ATP6V1A: variants seen among roughly 807,000 people sequenced by gnomAD.
ATP6V1A encodes the protein ATPase H+ transporting V1 subunit A, also known as V-type proton ATPase catalytic subunit A.
ATP6V1A carries 18 observed loss-of-function variants against 70.1 expected under a neutral mutation model. The observed-to-expected ratio is 0.26, with a 90% confidence interval of 0.18 to 0.38. The LOEUF (loss-of-function observed/expected upper bound fraction) is 0.38, where lower values mean the gene tolerates loss of function less well. Among genes scored for constraint, ATP6V1A ranks in the 10% least tolerant of loss-of-function variants. The probability of loss-of-function intolerance (pLI) is 1.00; values close to 1 mark genes in which losing one functional copy is unlikely to be tolerated. For synonymous variants in ATP6V1A, 232 were observed against 253.8 expected (o/e 0.91, Z 0.82); for missense variants, 424 against 772.4 (o/e 0.55, Z 5.35).
intron 14 of ATP6V1A, among the ~76,000 whole-genome samples, chr3:113,808,001 A>G (rs1045944368): frequency 6.6e-6 from 1 of 151,882 alleles, no homozygotes; most frequent in African/African-American, 2.4e-5. Context: ...GTGATGGTGC[A>G]TGCCTGTAAT....
intron 3 of ATP6V1A, among the ~76,000 whole-genome samples, chr3:113,782,542 C>CTCTCTCTCTATATA (rs749059556): frequency 1.4e-5 from 2 of 141,164 alleles, no homozygotes; most frequent in African/African-American, 5.3e-5. Context: ...CTCTCTCTCT[C>CTCTCTCTCTATATA]TATATATATA....
intron 3 of ATP6V1A, among the ~76,000 whole-genome samples, chr3:113,782,094 A>G (rs1708982587): frequency 6.6e-6 from 1 of 152,176 alleles, no homozygotes; most frequent in Non-Finnish European, 1.5e-5. Context: ...AATCAGCATT[A>G]ATTCTTTGAG....
At chr3:113,759,160 A>G (rs1021184673) in intron 1 of ATP6V1A, among the ~76,000 whole-genome samples, 2 of 152,026 alleles carry the variant, frequency 1.3e-5, no homozygotes, top group East Asian at 1.9e-4. Context: ...CCAGTTTACC[A>G]TTTTATTCTT....
chr3:113,807,168 C>T (rs1319911124), intron 14 of ATP6V1A, among the ~76,000 whole-genome samples: 1 of 143,778 alleles, frequency 7.0e-6, no homozygotes, highest in East Asian at 2.1e-4. Flanking sequence ...TTATTAAATT[C>T]TTTTTCTTTT....
rs758070395 is a variant in ATP6V1A, at chr3:113,809,412, TAGCCTTGAAGATTAGA to T, written c.1854_*15del. 2 of 1,613,532 alleles carry T rather than the reference TAGCCTTGAAGATTAGA, an allele frequency of 1.2e-6. No individual in the cohort carries two copies. The highest frequency in any genetic ancestry group is 1.1e-5 in the South Asian group (1 of 91,062). ...TTGAAGACATGCAGAATGCATTCCG[TAGCCTTGAAGATTAGA>T]AGCCTTGAAGATTACAACTGTGATT... On this transcript the variant is annotated stop_lost and 3_prime_UTR_variant, in exon 15 of 15. Transcript: ENST00000273398.
In ATP6V1A at chr3:113,809,510, C is replaced by A; in HGVS notation, c.*83C>A. ...TTTTCCTGAATTTCTCATCTCAAAC[C>A]CTTTGCTTCTTTATTGTGCAGCTTT... On this transcript the variant is annotated 3_prime_UTR_variant, in exon 15 of 15. Transcript: ENST00000273398. 7.8e-7 allele frequency: 1 copy of A among 1,273,908 alleles called. No individual in the cohort carries two copies. Among genetic ancestry groups the A allele is most frequent in the Non-Finnish European group, 1.1e-6 (1 of 902,902 alleles). 78.9% of individuals were successfully genotyped at this position (1,273,908 alleles called of 1,614,324 possible). A position where few individuals can be genotyped will look rare whatever the true frequency, so the allele number is the denominator to read the frequency against.
chr3:113,798,218 T>TTG, intron 11 of ATP6V1A, 25 bp from the exon 12 acceptor site: 1 of 1,607,900 alleles, frequency 6.2e-7, no homozygotes, highest in Admixed American at 1.7e-5. Flanking sequence ...ATTACTGTTT[T>TTG]TGTGTGTGTG....
chr3:113,794,524 T>G (rs1709131662), intron 8 of ATP6V1A, among the ~76,000 whole-genome samples: 2 of 152,220 alleles, frequency 1.3e-5, no homozygotes, highest in African/African-American at 4.8e-5. Flanking sequence ...TGAAATGAGC[T>G]CTACCATTTT....
intron 1 of ATP6V1A, among the ~76,000 whole-genome samples, chr3:113,764,961 A>G (rs1377901547): frequency 6.7e-6 from 1 of 150,168 alleles, no homozygotes; most frequent in African/African-American, 2.5e-5. Flanking sequence ...GTACTCCAGC[A>G]TAGGTGATAA....
chr3:113,771,920 A>G (rs1015855527), intron 1 of ATP6V1A, among the ~76,000 whole-genome samples: 2 of 152,190 alleles, frequency 1.3e-5, no homozygotes, highest in Non-Finnish European at 2.9e-5. Flanking sequence ...GTAGAGTGCT[A>G]TAGCATCCTG....
intron 1 of ATP6V1A, among the ~76,000 whole-genome samples, chr3:113,764,241 A>AT (rs1174246538): frequency 6.6e-6 from 1 of 152,180 alleles, no homozygotes; most frequent in Non-Finnish European, 1.5e-5. Flanking sequence ...TCAAAAAAAA[A>AT]AGAAAAAAAA....
chr3:113,782,613 T>G (rs1205357359), intron 3 of ATP6V1A, among the ~76,000 whole-genome samples: 1 of 145,656 alleles, frequency 6.9e-6, no homozygotes, highest in Non-Finnish European at 1.5e-5. Flanking sequence ...CATATATATA[T>G]GGTTTTTTTG....
rs143609129 is a variant in ATP6V1A, at chr3:113,789,073, G to A, written c.879+198G>A. Among the ~76,000 whole-genome samples the A allele has an allele frequency of 5.9e-3, 896 of 152,216 alleles. 13 individuals are homozygous for A. Among genetic ancestry groups the A allele is most frequent in the African/African-American group, 0.021 (854 of 41,546 alleles). On this transcript the variant is annotated intron_variant, in intron 7 of 14. Transcript: ENST00000273398. ...TAATTTTTTGTGTGTGTGTGATGGA[G>A]TTTCACTCTTTTTGCCCAGGCTGGA...
intron 1 of ATP6V1A, among the ~76,000 whole-genome samples, chr3:113,763,090 CATTT>C (rs200669341): frequency 0.011 from 1,687 of 151,782 alleles, 19 homozygotes; most frequent in African/African-American, 0.035. Context: ...TTTTACCTTC[CATTT>C]ATTCTTTTTT....
intron 8 of ATP6V1A, among the ~76,000 whole-genome samples, chr3:113,792,414 T>A (rs1164809910): frequency 6.6e-6 from 1 of 152,166 alleles, no homozygotes. Context: ...CATGGCTCAC[T>A]GCAGCTTTGA....
intron 1 of ATP6V1A, among the ~76,000 whole-genome samples, chr3:113,770,543 G>C (rs1216868286): frequency 6.6e-6 from 1 of 152,020 alleles, no homozygotes; most frequent in East Asian, 2.0e-4. Context: ...GCCAGGCATG[G>C]TGGCTCGTGC....
intron 1 of ATP6V1A, among the ~76,000 whole-genome samples, chr3:113,754,310 G>A (rs1708623323): frequency 6.6e-6 from 1 of 152,104 alleles, no homozygotes; most frequent in Non-Finnish European, 1.5e-5. Flanking sequence ...GATCGCTTGA[G>A]CCCGGTGTTG....
Position 113,784,043 on chromosome 3 carries a change from T to C in ATP6V1A, c.212-181T>C, listed in dbSNP as rs535356175. 8.5e-5 allele frequency among the ~76,000 whole-genome samples: 13 copies of C among 152,388 alleles called. No individual in the cohort carries two copies. The South Asian group carries it at 1.4e-3, about 17-fold the overall frequency. On this transcript the variant is annotated intron_variant, in intron 3 of 14. Coordinates refer to ENST00000273398, the MANE Select transcript of ATP6V1A (RefSeq NM_001690.4). ...GTTTAATAAATGCAAGTGTTAGATA[T>C]ATCTTTTGTCCTGGGACACTGAAAG...
intron 6 of ATP6V1A, among the ~76,000 whole-genome samples, chr3:113,787,332 G>A (rs1709049128): frequency 6.6e-6 from 1 of 152,168 alleles, no homozygotes; most frequent in Non-Finnish European, 1.5e-5. Context: ...TGAGAAGCAA[G>A]CAACATGAAT....
Sources: allele counts gnomAD v4.1 joint callset (sites outside exome capture counted in the v4.1 genomes callset), GRCh38; gene constraint gnomAD v4.1.1; transcripts MANE v1.5; gene names NCBI Gene and HGNC (gene_info 2026-07-23, HGNC 2026-07-21).